Variants in LEPROTL1 observed in about 807,000 individuals in gnomAD.
LEPROTL1 encodes leptin receptor overlapping transcript-like 1.
In LEPROTL1, 6 loss-of-function variants were observed where a neutral mutation model predicts 15.4. The ratio of observed to expected loss-of-function variants is 0.39; its 90% CI spans 0.21 to 0.77. The LOEUF is 0.77. LEPROTL1 is among the 30% of genes least tolerant of loss of function. LEPROTL1 has a pLI of 0.41. For synonymous variants in LEPROTL1, 56 were observed against 52.6 expected (o/e 1.06, Z -0.28); for missense variants, 128 against 158.1 (o/e 0.81, Z 1.02).
intron 1 of LEPROTL1, among the ~76,000 whole-genome samples, chr8:30,096,728 G>C (rs1475129784): frequency 6.6e-6 from 1 of 152,124 alleles, no homozygotes; most frequent in Non-Finnish European, 1.5e-5. Context: ...GGTCTCTTAA[G>C]AAAATAGCTT....
intron 4 of LEPROTL1, among the ~76,000 whole-genome samples, chr8:30,136,730 C>CTTTT (rs11390350): frequency 1.3e-4 from 18 of 143,820 alleles, no homozygotes; most frequent in African/African-American, 4.1e-4. Flanking sequence ...TCCCCCCGAA[C>CTTTT]TTTTTTTTTT....
At chr8:30,118,526 G>GC (rs969930258) in intron 3 of LEPROTL1, among the ~76,000 whole-genome samples, 3 of 152,108 alleles carry the variant, frequency 2.0e-5, no homozygotes, top group African/African-American at 7.2e-5. Flanking sequence ...GAGATCTCCT[G>GC]AAGGAGTGGC....
At chr8:30,137,416 C>T in exon 5 of LEPROTL1, 15 of 1,551,728 alleles carry the variant, frequency 9.7e-6, no homozygotes, top group Non-Finnish European at 1.3e-5. Flanking sequence ...CGTGCTGAGG[C>T]TGGCAGACAG....
At chr8:30,127,685 T>C (rs73224585) in intron 3 of LEPROTL1, among the ~76,000 whole-genome samples, 28 of 135,156 alleles carry the variant, frequency 2.1e-4, no homozygotes, top group East Asian at 8.7e-4. Context: ...AAAAAAAAAA[T>C]ACACACACAC....
intron 3 of LEPROTL1, among the ~76,000 whole-genome samples, chr8:30,116,033 G>A (rs938634626): frequency 9.2e-5 from 14 of 152,092 alleles, no homozygotes; most frequent in Non-Finnish European, 1.9e-4. Flanking sequence ...TTGAGCCCAG[G>A]AGTTTGAGAC....
At chr8:30,118,869 C>G (rs1211545142) in intron 3 of LEPROTL1, among the ~76,000 whole-genome samples, 1 of 152,218 alleles carries the variant, frequency 6.6e-6, no homozygotes, top group Non-Finnish European at 1.5e-5. Context: ...TTATGCTTCT[C>G]TCCACCCAAA....
chr8:30,137,076 A>G (rs1444702785), intron 4 of LEPROTL1, among the ~76,000 whole-genome samples: 1 of 152,126 alleles, frequency 6.6e-6, no homozygotes, highest in Non-Finnish European at 1.5e-5. Flanking sequence ...GCAGGCTAGA[A>G]TCAGATAGGT....
rs375988948 is a variant in LEPROTL1, at chr8:30,134,777, A to G, written c.394+2288A>G. ...CTGCCAGGCTGGTCTTGAACTCCTC[A>G]TCTCAGGAGATCTGCCCGCCTCGGC... is the stretch of plus-strand genomic sequence containing the variant. On this transcript the variant is annotated intron_variant, in intron 4 of 4. Coordinates refer to the LEPROTL1 transcript ENST00000442880. Among the ~76,000 whole-genome samples the G allele has an allele frequency of 2.0e-3, 299 of 152,242 alleles. 3 individuals are homozygous for G. Among genetic ancestry groups the G allele is most frequent in the African/African-American group, 7.0e-3 (291 of 41,546 alleles).
chr8:30,122,949 A>G (rs766747081), intron 3 of LEPROTL1, among the ~76,000 whole-genome samples: 6 of 152,180 alleles, frequency 3.9e-5, no homozygotes, highest in Non-Finnish European at 7.3e-5. Context: ...TCAGCTCACA[A>G]ATCTGTAATT....
At chr8:30,132,662 G>A in intron 4 of LEPROTL1, 1 of 1,551,730 alleles carries the variant, frequency 6.4e-7, no homozygotes, top group Non-Finnish European at 8.7e-7. Context: ...TGTCTGGGAT[G>A]CAAAGCACTG....
At chr8:30,114,276 TTTTTG>T (rs3049944) in intron 3 of LEPROTL1, among the ~76,000 whole-genome samples, 18,501 of 149,406 alleles carry the variant, frequency 0.12, 1,343 homozygotes, top group East Asian at 0.23. Context: ...ACATGATATT[TTTTTG>T]TTTTGTTTTG....
chr8:30,107,955 G>A lies in LEPROTL1; in HGVS notation c.*2093G>A. On this transcript the variant is annotated 3_prime_UTR_variant, in exon 4 of 4. Coordinates refer to ENST00000321250, the MANE Select transcript of LEPROTL1 (RefSeq NM_015344.3). ...ACATAGTGCTGTCTCTGATTTCTAG[G>A]CTAGTTACTTGAGATATGAATTTTC... The A allele has an allele frequency of 1.0e-6, 1 of 984,892 alleles. No homozygotes were observed. Among genetic ancestry groups the A allele is most frequent in the Non-Finnish European group, 1.2e-6 (1 of 829,520 alleles). The allele number at this position is 984,892 out of a possible 1,614,324, so 61.0% of individuals were successfully genotyped here.
intron 4 of LEPROTL1, chr8:30,132,969 A>C (rs1803059667): frequency 6.9e-7 from 1 of 1,444,312 alleles, no homozygotes; most frequent in Admixed American, 2.7e-5. Context: ...CTCTTATTCC[A>C]GTCTGTCATA....
intron 4 of LEPROTL1, among the ~76,000 whole-genome samples, chr8:30,134,441 A>C (rs1018667684): frequency 2.0e-5 from 3 of 152,090 alleles, no homozygotes; most frequent in Non-Finnish European, 2.9e-5. Context: ...AAACAAAAAA[A>C]AAAACAAAAA....
chr8:30,108,163 A>G lies in LEPROTL1; in HGVS notation c.*2301A>G. On this transcript the variant is annotated 3_prime_UTR_variant, in exon 4 of 4. Coordinates refer to ENST00000321250, the MANE Select transcript of LEPROTL1 (RefSeq NM_015344.3). ...ATAAGGTGATGTAAAGCAAGATGAC[A>G]TTGGTGTAATGTTAGAGTTGCAGAA... is the stretch of plus-strand genomic sequence containing the variant. 3 of 282,616 alleles carry G rather than the reference A, an allele frequency of 1.1e-5. No homozygotes were observed. The highest frequency in any genetic ancestry group is 1.4e-4 in the South Asian group (1 of 7,214). 17.5% of individuals were successfully genotyped at this position (282,616 alleles called of 1,614,324 possible). A position where few individuals can be genotyped will look rare whatever the true frequency, so the allele number is the denominator to read the frequency against.
intron 3 of LEPROTL1, among the ~76,000 whole-genome samples, chr8:30,115,221 A>T (rs1802719113): frequency 6.6e-6 from 1 of 151,918 alleles, no homozygotes; most frequent in South Asian, 2.1e-4. Flanking sequence ...AATTAGCCGG[A>T]TGTGGTGCCG....
intron 3 of LEPROTL1, among the ~76,000 whole-genome samples, chr8:30,115,772 C>T (rs1213303267): frequency 2.6e-5 from 4 of 151,934 alleles, no homozygotes; most frequent in Admixed American, 6.6e-5. Context: ...GAAATTTAAA[C>T]ATCAATATGA....
At position 30,108,167 on chromosome 8, in the gene LEPROTL1, G is replaced by A. The variant is rs1422297091; in HGVS notation, c.*2305G>A. The A allele has an allele frequency of 3.6e-6, 1 of 274,574 alleles. No individual in the cohort carries two copies. The highest frequency in any genetic ancestry group is 5.6e-6 in the Non-Finnish European group (1 of 180,140). The allele number at this position is 274,574 out of a possible 1,614,324, so 17.0% of individuals were successfully genotyped here. A position where few individuals can be genotyped will look rare whatever the true frequency, so the allele number is the denominator to read the frequency against. ...GGTGATGTAAAGCAAGATGACATTG[G>A]TGTAATGTTAGAGTTGCAGAAGTTT... On this transcript the variant is annotated 3_prime_UTR_variant, in exon 4 of 4. Coordinates refer to ENST00000321250, the MANE Select transcript of LEPROTL1 (RefSeq NM_015344.3).
At chr8:30,108,809 G>A (rs75023853), downstream of LEPROTL1, among the ~76,000 whole-genome samples, 19,194 of 152,086 alleles carry the variant, frequency 0.13, 1,527 homozygotes, top group East Asian at 0.23. Context: ...TGTATTTCTT[G>A]TAGAAACATG....
Sources: allele counts gnomAD v4.1 joint callset (sites outside exome capture counted in the v4.1 genomes callset), GRCh38; gene constraint gnomAD v4.1.1; transcripts MANE v1.5; gene names NCBI Gene and HGNC (gene_info 2026-07-23, HGNC 2026-07-21).